The following WDR76 variants were observed in gnomAD, a reference collection of about 807,000 sequenced individuals.
WDR76 encodes WD repeat-containing protein 76.
In WDR76, 52 loss-of-function variants were observed where a neutral mutation model predicts 70.2. The observed-to-expected ratio is 0.74, with a 90% CI of 0.59 to 0.93. The LOEUF (loss-of-function observed/expected upper bound fraction) is 0.93, where lower values mean the gene tolerates loss of function less well. WDR76 is among the 40% of genes least tolerant of loss of function. The pLI is 0.00. For synonymous variants in WDR76, 292 were observed against 271.1 expected (o/e 1.08, Z -0.76); for missense variants, 756 against 760.2 (o/e 0.99, Z 0.07).
intron 1 of WDR76, 64 bp downstream of exon 1, chr15:43,827,156 G>C (rs1047710942): frequency 1.2e-6 from 2 of 1,610,574 alleles, no homozygotes; most frequent in Non-Finnish European, 1.7e-6. Flanking sequence ...GGTTATGCGG[G>C]ACACAGGCCC....
chr15:43,835,048 T>TG lies in WDR76; in HGVS notation c.463-12dup, dbSNP rs559238415. The TG allele has an allele frequency of 7.3e-5, 118 of 1,609,736 alleles. No homozygotes were observed. The Middle Eastern group carries it at 8.2e-4, about 11-fold the overall frequency. ...ATATAAAGTAATGGAATCTTTTTGGTGTAATTTTATAGGATTTTTCGGGAT... is the reference window on the plus strand; with the variant it reads ...ATATAAAGTAATGGAATCTTTTTGGTGGTAATTTTATAGGATTTTTCGGGAT... On this transcript the variant is annotated splice_polypyrimidine_tract_variant and intron_variant, in intron 2 of 12. Transcript: ENST00000263795.
chr15:43,844,926 T>TAAA (rs1163275078), intron 8 of WDR76, among the ~76,000 whole-genome samples: 372 of 15,524 alleles, frequency 0.024, 34 homozygotes, highest in Admixed American at 0.076. Flanking sequence ...AGACTCTGTG[T>TAAA]AAAAAAAAAA....
chr15:43,844,153 A>G lies in WDR76; in HGVS notation c.1032+99A>G, dbSNP rs1024449340. The G allele has an allele frequency of 3.0e-5, 35 of 1,166,686 alleles. No homozygotes were observed. The African/African-American group carries it at 5.1e-4, about 17-fold the overall frequency. 72.3% of individuals were successfully genotyped at this position (1,166,686 alleles called of 1,614,324 possible). A position where few individuals can be genotyped will look rare whatever the true frequency, so the allele number is the denominator to read the frequency against. ...CATGTGTTTATAAATGTTGCGTGAG[A>G]CTTACAATTTTGGGCTTTATGATGC... On this transcript the variant is annotated intron_variant, in intron 8 of 12. Transcript: ENST00000263795.
chr15:43,855,069 T>C (rs759817236), intron 9 of WDR76, among the ~76,000 whole-genome samples: 5 of 152,176 alleles, frequency 3.3e-5, no homozygotes, highest in Non-Finnish European at 1.5e-5. Flanking sequence ...ACTGTCCCCA[T>C]AGTTTTGCCT....
chr15:43,850,054 AAAAG>A (rs975274633), intron 8 of WDR76, among the ~76,000 whole-genome samples: 15 of 151,732 alleles, frequency 9.9e-5, no homozygotes, highest in Admixed American at 2.6e-4. Flanking sequence ...TTTAAAATAA[AAAAG>A]AAAACAAAAA....
At position 43,860,236 on chromosome 15, in the gene WDR76, CGTT is replaced by C. The variant is rs540894422; in HGVS notation, c.1563-1094_1563-1092del. Among the ~76,000 whole-genome samples the C allele has an allele frequency of 5.9e-5, 9 of 152,318 alleles. No homozygotes were observed. In the East Asian group the frequency reaches 1.7e-3, roughly 29 times the overall value. On this transcript the variant is annotated intron_variant, in intron 11 of 12. Coordinates refer to ENST00000263795, the MANE Select transcript of WDR76 (RefSeq NM_024908.4). ...CTTCAGCCTGGGCATCAGAATGAGA[CGTT>C]GTCTCTTGAAAACCAAAACACAACT...
rs780774549 is a variant in WDR76 at position 43,828,192 on chromosome 15, A to C, written c.288A>C (p.Pro96=). ...AAACTTGCAGAAGGATTATACCTCC[A>C]AAGATGAAAAACACATCTTCCAAGG... ...IKKTCRRIIP[P]KMKNTSSKAE... The change falls in exon 2 of 13, where the codon CCA becomes CCC. Residue 96 remains proline (P), a synonymous_variant. Transcript: ENST00000263795. 86 of 1,614,114 alleles carry C rather than the reference A, an allele frequency of 5.3e-5. No homozygotes were observed. The Admixed American group carries it at 1.4e-3, about 26-fold the overall frequency.
At chr15:43,833,254 T>C (rs2087612599) in intron 2 of WDR76, among the ~76,000 whole-genome samples, 1 of 152,066 alleles carries the variant, frequency 6.6e-6, no homozygotes, top group Admixed American at 6.6e-5. Flanking sequence ...AAACTTGAAC[T>C]TCTGGGCTCC....
Position 43,851,158 on chromosome 15 carries a change from C to T in WDR76, c.1104C>T (p.Phe368=). ...GTCAGCCAGTTAGCTGTCTTTACTT[C>T]TCACCCGCCAATCCGGCCCACATAC... ...PHSQPVSCLY[F]SPANPAHILS... is the part of the protein sequence containing the mutation. The change falls in exon 9 of 13, where the codon TTC becomes TTT. Residue 368 remains phenylalanine (F), a synonymous_variant. Transcript: ENST00000263795. The T allele has an allele frequency of 6.2e-7, 1 of 1,614,112 alleles. No homozygotes were observed. The highest frequency in any genetic ancestry group is 8.5e-7 in the Non-Finnish European group (1 of 1,180,024).
At chr15:43,847,172 A>G (rs1460286397) in intron 8 of WDR76, among the ~76,000 whole-genome samples, 1 of 152,120 alleles carries the variant, frequency 6.6e-6, no homozygotes, top group Non-Finnish European at 1.5e-5. Flanking sequence ...TGTGCTCACA[A>G]TTTCCCCAGT....
chr15:43,845,446 A>G (rs2087776786), intron 8 of WDR76, among the ~76,000 whole-genome samples: 1 of 150,178 alleles, frequency 6.7e-6, no homozygotes, highest in Non-Finnish European at 1.5e-5. Flanking sequence ...CTTCTACCAT[A>G]TGAGGACACA....
At chr15:43,840,512 TA>T (rs777694419) in intron 5 of WDR76, among the ~76,000 whole-genome samples, 3 of 152,232 alleles carry the variant, frequency 2.0e-5, no homozygotes, top group Non-Finnish European at 2.9e-5. Context: ...ATTTTCTAAA[TA>T]TTTTTTATTC....
rs146814031 is a variant in WDR76, at chr15:43,834,874, A to G, written c.463-187A>G. Among the ~76,000 whole-genome samples, 178 of 152,330 alleles carry G rather than the reference A, an allele frequency of 1.2e-3. 2 individuals are homozygous for G. The highest frequency in any genetic ancestry group is 4.1e-3 in the African/African-American group (171 of 41,570). On this transcript the variant is annotated intron_variant, in intron 2 of 12. Coordinates refer to ENST00000263795, the MANE Select transcript of WDR76 (RefSeq NM_024908.4). Reference sequence around the variant, plus strand: ...GAAGCCATACAGATATTTTGGGGGTATCCCAAATCCAGACTTACTGAAATA... The same window carrying G: ...GAAGCCATACAGATATTTTGGGGGTGTCCCAAATCCAGACTTACTGAAATA...
chr15:43,853,268 G>A (rs942690680), intron 9 of WDR76, among the ~76,000 whole-genome samples: 6 of 151,962 alleles, frequency 3.9e-5, no homozygotes, highest in East Asian at 1.9e-4. Context: ...TCGGCTCACC[G>A]CAGCCTCTGC....
intron 12 of WDR76, among the ~76,000 whole-genome samples, chr15:43,862,308 A>ATTTTTTTTTTTTTTTT (rs60991615): frequency 1.8e-5 from 1 of 56,948 alleles, no homozygotes; most frequent in Non-Finnish European, 3.2e-5. Context: ...CAGGTCCACA[A>ATTTTTTTTTTTTTTTT]TTTTTTTTTT....
chr15:43,828,097 A>C lies in WDR76; in HGVS notation c.193A>C (p.Met65Leu). 6.2e-7 allele frequency: 1 copy of C among 1,614,184 alleles called. No homozygotes were observed. The highest frequency in any genetic ancestry group is 8.5e-7 in the Non-Finnish European group (1 of 1,180,028). Residue 65 changes from methionine (M) to leucine (L), a missense_variant, in exon 2 of 13, where the codon ATG becomes CTG. By Grantham distance (15) the Met-to-Leu change is conservative (BLOSUM62 2). Transcript: ENST00000263795. ...SLSNYQLDQLMCPKSLSEKNS... is the reference protein window; with the variant it reads ...SLSNYQLDQLLCPKSLSEKNS... ...CAGTAATTACCAGCTAGACCAGCTT[A>C]TGTGCCCCAAATCCCTATCAGAAAA...
chr15:43,836,354 G>A (rs925804229), intron 4 of WDR76, 138 bp downstream of exon 4: 31 of 556,388 alleles, frequency 5.6e-5, no homozygotes, highest in Admixed American at 1.6e-4. Context: ...GATCTCTGAG[G>A]GAATGCTACC....
At chr15:43,836,082 G>A in intron 3 of WDR76, 79 bp from the exon 4 acceptor site, 2 of 1,314,310 alleles carry the variant, frequency 1.5e-6, no homozygotes, top group Non-Finnish European at 2.1e-6. Context: ...TTTAGTGTGG[G>A]TATAGTAGCA....
chr15:43,848,810 C>T (rs181788148), intron 8 of WDR76, among the ~76,000 whole-genome samples: 1 of 152,162 alleles, frequency 6.6e-6, no homozygotes, highest in African/African-American at 2.4e-5. Flanking sequence ...TGGTGATGTG[C>T]ACCTGTAATC....
Sources: gnomAD v4.1 joint callset for allele counts (sites outside exome capture counted in the v4.1 genomes callset) on GRCh38, gnomAD v4.1.1 for gene constraint, MANE v1.5 for transcripts, NCBI Gene and HGNC (gene_info 2026-07-23, HGNC 2026-07-21) for gene names.